The following NEBL variants were observed in gnomAD, a reference collection of about 807,000 sequenced individuals.
NEBL encodes the protein LIM and SH3 protein 2.
A neutral mutation model predicts 140.2 loss-of-function variants in NEBL; 122 were observed. The observed-to-expected ratio is 0.87, with a 90% CI of 0.75 to 1.01. The LOEUF (loss-of-function observed/expected upper bound fraction) is 1.01, where lower values mean the gene tolerates loss of function less well. Among genes scored for constraint, NEBL ranks in the 50% least tolerant of loss-of-function variants. NEBL has a pLI of 0.00. For synonymous variants in NEBL, 436 were observed against 398.9 expected (o/e 1.09, Z -1.11); for missense variants, 1,365 against 1,231.3 (o/e 1.11, Z -1.62).
intron 3 of NEBL, among the ~76,000 whole-genome samples, chr10:21,184,503 G>A (rs1162011878): frequency 1.3e-5 from 2 of 152,166 alleles, no homozygotes; most frequent in Non-Finnish European, 2.9e-5. Flanking sequence ...GTGTCCTTCA[G>A]CATGAGTAAT....
intron 2 of NEBL, among the ~76,000 whole-genome samples, chr10:21,063,215 C>A (rs1835379744): frequency 6.6e-6 from 1 of 152,098 alleles, no homozygotes; most frequent in African/African-American, 2.4e-5. Flanking sequence ...GATCTTGCTC[C>A]CCCATACCTG....
intron 1 of NEBL, among the ~76,000 whole-genome samples, chr10:21,282,225 C>G (rs898538577): frequency 1.3e-5 from 2 of 152,146 alleles, no homozygotes; most frequent in Non-Finnish European, 2.9e-5. Flanking sequence ...TCTGCCCAGC[C>G]GGTGACTGCT....
At chr10:21,098,887 A>C (rs1194635742) in intron 2 of NEBL, among the ~76,000 whole-genome samples, 1 of 152,166 alleles carries the variant, frequency 6.6e-6, no homozygotes, top group Non-Finnish European at 1.5e-5. Flanking sequence ...TCATAATCCC[A>C]ACAATTTGTA....
At chr10:21,034,942 TCTTA>T (rs1422931361) in intron 2 of NEBL, among the ~76,000 whole-genome samples, 2 of 144,162 alleles carry the variant, frequency 1.4e-5, no homozygotes, top group African/African-American at 5.3e-5. Flanking sequence ...AGCTATTTAT[TCTTA>T]TTTATTTATT....
At chr10:20,991,316 T>C (rs1055772300) in intron 3 of NEBL, among the ~76,000 whole-genome samples, 2 of 152,118 alleles carry the variant, frequency 1.3e-5, no homozygotes, top group Admixed American at 6.6e-5. Flanking sequence ...AAATTATCTA[T>C]AAATAGGTGG....
chr10:21,286,804 G>A (rs993819810), intron 1 of NEBL, among the ~76,000 whole-genome samples: 21 of 151,576 alleles, frequency 1.4e-4, no homozygotes, highest in Admixed American at 3.3e-4. Context: ...GCGCCACTGC[G>A]CTCCAGCCTG....
Position 20,805,722 on chromosome 10 carries a change from G to A in NEBL, c.2761+2788C>T, listed in dbSNP as rs138607010. ...ACAAAAATTAGCCAAGTGTGGTGGC[G>A]TGCACCTGTAATCCCAGCTACTCAG... On this transcript the variant is annotated intron_variant, in intron 26 of 27. Coordinates refer to ENST00000377122, the MANE Select transcript of NEBL (RefSeq NM_006393.3). Among the ~76,000 whole-genome samples, 1,319 of 152,094 alleles carry A rather than the reference G, an allele frequency of 8.7e-3. 22 individuals are homozygous for A. Among genetic ancestry groups the A allele is most frequent in the African/African-American group, 0.029 (1,211 of 41,494 alleles).
rs1402072355 is a variant in NEBL at position 21,122,547 on chromosome 10, T to C, written c.164+49836A>G. ...CAGAATAAGTGGCCATGGTGAGTGATAAATATAAAGATGTACAGATATGCA... is the reference window on the plus strand; with the variant it reads ...CAGAATAAGTGGCCATGGTGAGTGACAAATATAAAGATGTACAGATATGCA... On this transcript the variant is annotated intron_variant, in intron 2 of 6. Transcript: ENST00000417816. Among the ~76,000 whole-genome samples the C allele has an allele frequency of 7.9e-5, 12 of 152,278 alleles. 5 individuals carry two copies. Among genetic ancestry groups the C allele is most frequent in the Admixed American group, 7.2e-4 (11 of 15,292 alleles).
chr10:20,815,861 C>CA, intron 21 of NEBL, 144 bp from the exon 22 acceptor site: 2 of 673,142 alleles, frequency 3.0e-6, no homozygotes, highest in South Asian at 1.6e-5. Context: ...CTCGATCTCC[C>CA]AGGCTCAGGC....
chr10:21,244,192 C>T (rs1774665108), intron 3 of NEBL, among the ~76,000 whole-genome samples: 1 of 151,878 alleles, frequency 6.6e-6, no homozygotes, highest in African/African-American at 2.4e-5. Flanking sequence ...TTTTGACAGT[C>T]TTACTCTGTC....
At chr10:21,042,436 A>C (rs1013354436) in intron 2 of NEBL, among the ~76,000 whole-genome samples, 4 of 152,224 alleles carry the variant, frequency 2.6e-5, no homozygotes, top group Admixed American at 2.0e-4. Flanking sequence ...TTAAAAATTA[A>C]ATTGTATCAA....
intron 4 of NEBL, among the ~76,000 whole-genome samples, chr10:20,902,587 A>G (rs918235965): frequency 6.6e-6 from 1 of 152,184 alleles, no homozygotes. Context: ...GGAAGCCCAA[A>G]TTAAAACGAT....
intron 3 of NEBL, among the ~76,000 whole-genome samples, chr10:21,237,727 C>T (rs1352211052): frequency 6.6e-6 from 1 of 152,142 alleles, no homozygotes; most frequent in African/African-American, 2.4e-5. Context: ...CTGCCTCAGC[C>T]TCCTGAGTAG....
chr10:21,014,743 G>C (rs777184024), intron 3 of NEBL, among the ~76,000 whole-genome samples: 1 of 152,168 alleles, frequency 6.6e-6, no homozygotes, highest in Non-Finnish European at 1.5e-5. Context: ...GGCAAGCCAC[G>C]TTACTGCCTT....
intron 3 of NEBL, among the ~76,000 whole-genome samples, chr10:21,013,501 T>A (rs1312363758): frequency 6.6e-6 from 1 of 152,188 alleles, no homozygotes; most frequent in Non-Finnish European, 1.5e-5. Context: ...AGGCTTCTTG[T>A]CCAAGACCAG....
intron 3 of NEBL, among the ~76,000 whole-genome samples, chr10:21,188,412 G>A (rs1841512543): frequency 6.6e-6 from 1 of 152,132 alleles, no homozygotes; most frequent in Admixed American, 6.5e-5. Context: ...TATAAAAACA[G>A]TTGTCATTTC....
rs115499380 is a variant in NEBL, at chr10:20,832,791, C to T, written c.1450-1208G>A. The stretch of plus-strand genomic sequence containing the variant: ...ATCTCAGTCTTGGAGTATTTTGCCT[C>T]CTATCTTCCACTCATAATCCTTCCT... On this transcript the variant is annotated intron_variant, in intron 14 of 27. Coordinates refer to ENST00000377122, the MANE Select transcript of NEBL (RefSeq NM_006393.3). Among the ~76,000 whole-genome samples the T allele has an allele frequency of 3.8e-3, 583 of 152,246 alleles. 1 individual carries two copies. Among genetic ancestry groups the T allele is most frequent in the African/African-American group, 0.014 (561 of 41,546 alleles).
intron 2 of NEBL, among the ~76,000 whole-genome samples, chr10:21,101,595 G>A (rs1837480205): frequency 6.6e-6 from 1 of 152,200 alleles, no homozygotes; most frequent in Non-Finnish European, 1.5e-5. Context: ...GGACTTAGGT[G>A]ACAGAGAAGT....
chr10:21,125,756 A>G (rs1432528663), intron 2 of NEBL: 7 of 1,238,452 alleles, frequency 5.7e-6, no homozygotes, highest in African/African-American at 1.5e-5. Context: ...ACGGATGGAA[A>G]CAGAACTCAG....
Sources: gnomAD v4.1 joint callset for allele counts (sites outside exome capture counted in the v4.1 genomes callset) on GRCh38, gnomAD v4.1.1 for gene constraint, MANE v1.5 for transcripts, NCBI Gene and HGNC (gene_info 2026-07-23, HGNC 2026-07-21) for gene names.